DYNC2I2: variants seen among roughly 807,000 people sequenced by gnomAD.
DYNC2I2 encodes the protein dynein 2 intermediate chain 2.
Under a neutral mutation model 52.0 loss-of-function variants are expected in DYNC2I2, and 39 were observed. The observed-to-expected ratio is 0.75, with a 90% confidence interval of 0.58 to 0.98. The LOEUF (loss-of-function observed/expected upper bound fraction) is 0.98. Ranked by LOEUF, DYNC2I2 falls within the 50% of genes least tolerant of loss-of-function variation. The probability of loss-of-function intolerance (pLI) is 0.00; values close to 1 mark genes in which losing one functional copy is unlikely to be tolerated. For missense variants in DYNC2I2, 743 were observed against 728.4 expected, an observed-to-expected ratio of 1.02 and a Z score of -0.23; for synonymous variants, 359 against 321.1, an observed-to-expected ratio of 1.12 and a Z score of -1.26.
At chr9:128,665,769 C>T in the DYNC2I2 span, among the ~76,000 whole-genome samples, 2 of 72,144 alleles carry the variant, frequency 2.8e-5, no homozygotes, top group African/African-American at 5.2e-5. Flanking sequence ...GACTCTGTGT[C>T]AAAAAAAAAA....
At chr9:128,660,255 C>A (rs1004231918), upstream of DYNC2I2, among the ~76,000 whole-genome samples, 2 of 149,524 alleles carry the variant, frequency 1.3e-5, no homozygotes, top group Non-Finnish European at 3.0e-5. Flanking sequence ...ACTACAGGCG[C>A]CCGCCACCAC....
chr9:128,642,622 T>C (rs1860538440), intron 1 of DYNC2I2, among the ~76,000 whole-genome samples: 1 of 151,158 alleles, frequency 6.6e-6, no homozygotes, highest in Admixed American at 6.6e-5. Flanking sequence ...TACAAAAAAA[T>C]TAGCCGGGCA....
Position 128,633,908 on chromosome 9 carries a change from T to C in DYNC2I2, c.1447A>G (p.Ser483Gly), listed in dbSNP as rs1860256783. 1.9e-6 allele frequency: 3 copies of C among 1,613,310 alleles called. No homozygotes were observed. Residue 483 changes from serine to glycine, a missense_variant, in exon 9 of 9, where the codon AGC (serine) becomes GGC (glycine). Coordinates refer to ENST00000372715, the MANE Select transcript of DYNC2I2 (RefSeq NM_052844.4). ...TTGAACTCCAGACAGTAGACAGGGC[T>C]TTCATCCTGGGTTTGCTTGATCAAA... ...TVLIKQTQDE[S>G]PVYCLEFNSQ...
chr9:128,680,799 T>A, the DYNC2I2 span, among the ~76,000 whole-genome samples: 1 of 150,296 alleles, frequency 6.7e-6, no homozygotes, highest in African/African-American at 2.4e-5. Context: ...CTCAGCCTCC[T>A]GAGTAGCTGG....
the DYNC2I2 span, among the ~76,000 whole-genome samples, chr9:128,667,156 G>A: frequency 2.0e-4 from 31 of 151,522 alleles, no homozygotes; most frequent in African/African-American, 7.0e-4. Flanking sequence ...CCGAGATCAC[G>A]CCATTGCACT....
chr9:128,644,835 C>G (rs1860583828), intron 1 of DYNC2I2, among the ~76,000 whole-genome samples: 1 of 152,214 alleles, frequency 6.6e-6, no homozygotes, highest in South Asian at 2.1e-4. Flanking sequence ...CACACTATTT[C>G]AAATTTATTC....
intron 2 of DYNC2I2, 40 bp from the exon 3 acceptor site, chr9:128,637,067 C>T (rs1860429414): frequency 6.6e-7 from 1 of 1,510,576 alleles, no homozygotes; most frequent in Non-Finnish European, 9.1e-7. Context: ...AAGCCACCAG[C>T]AGGGGCCTCA....
At chr9:128,650,451 G>A (rs1291167040) in intron 1 of DYNC2I2, among the ~76,000 whole-genome samples, 1 of 53,326 alleles carries the variant, frequency 1.9e-5, no homozygotes, top group African/African-American at 3.9e-5. Flanking sequence ...AACTCAGATC[G>A]AAAATTAAGG....
At chr9:128,648,672 C>CA (rs1589435267) in intron 1 of DYNC2I2, among the ~76,000 whole-genome samples, 1 of 149,642 alleles carries the variant, frequency 6.7e-6, no homozygotes, top group African/African-American at 2.5e-5. Context: ...TGTTGGCGGG[C>CA]AACTGTAATC....
At chr9:128,681,905 T>C in the DYNC2I2 span, among the ~76,000 whole-genome samples, 1 of 152,158 alleles carries the variant, frequency 6.6e-6, no homozygotes, top group Admixed American at 6.5e-5. Context: ...AAAACCCATC[T>C]CTACTTAAAA....
chr9:128,649,370 A>G (rs1303413380), intron 1 of DYNC2I2, among the ~76,000 whole-genome samples: 2 of 152,052 alleles, frequency 1.3e-5, no homozygotes, highest in African/African-American at 2.4e-5. Context: ...CTTAAGCTCA[A>G]GAGTTTGAGG....
chr9:128,664,856 C>G, the DYNC2I2 span, among the ~76,000 whole-genome samples: 1 of 151,772 alleles, frequency 6.6e-6, no homozygotes, highest in South Asian at 2.1e-4. Context: ...GGTGAAGTAG[C>G]TCACACCTGT....
intron 1 of DYNC2I2, among the ~76,000 whole-genome samples, chr9:128,655,222 C>T (rs1301758953): frequency 6.7e-6 from 1 of 150,348 alleles, no homozygotes; most frequent in African/African-American, 2.4e-5. Flanking sequence ...TAGCCTGGGC[C>T]GGCGCGGTGG....
chr9:128,683,535 T>C, the DYNC2I2 span: 1 of 256,086 alleles, frequency 3.9e-6, no homozygotes, highest in Non-Finnish European at 7.5e-6. Context: ...CCTGTCTACC[T>C]GGGGGTTTGG....
At chr9:128,636,034 C>T (rs1860402845) in intron 4 of DYNC2I2, 9 of 726,148 alleles carry the variant, frequency 1.2e-5, no homozygotes, top group East Asian at 5.4e-5. Context: ...CCCAAGGGCA[C>T]CTGCCTCTTC....
intron 4 of DYNC2I2, 166 bp from the exon 5 acceptor site, chr9:128,635,933 CCT>C (rs904310059): frequency 1.1e-5 from 8 of 699,770 alleles, no homozygotes; most frequent in South Asian, 1.8e-5. Context: ...CCCCAGCTCC[CCT>C]GTTGTACCCC....
chr9:128,661,315 A>C (rs1040746950), upstream of DYNC2I2, among the ~76,000 whole-genome samples: 12 of 150,484 alleles, frequency 8.0e-5, no homozygotes, highest in Non-Finnish European at 1.5e-4. Context: ...AAAAAAAAAA[A>C]AAAAAAAACA....
chr9:128,661,412 A>G (rs1253939695), upstream of DYNC2I2, among the ~76,000 whole-genome samples: 3 of 151,536 alleles, frequency 2.0e-5, no homozygotes, highest in Admixed American at 6.6e-5. Context: ...TGAGGTCAGG[A>G]GTTCAAGACC....
At chr9:128,657,462 A>G (rs1159429577), upstream of DYNC2I2, among the ~76,000 whole-genome samples, 3 of 152,030 alleles carry the variant, frequency 2.0e-5, no homozygotes, top group Non-Finnish European at 4.4e-5. Context: ...CACCGGAATT[A>G]AAAAAACTGG....
Sources: gnomAD v4.1 joint callset for allele counts (sites outside exome capture counted in the v4.1 genomes callset) on GRCh38, gnomAD v4.1.1 for gene constraint, MANE v1.5 for transcripts, NCBI Gene and HGNC (gene_info 2026-07-23, HGNC 2026-07-21) for gene names.